SPARC: variants seen among roughly 807,000 people sequenced by gnomAD.
SPARC encodes basement-membrane protein 40.
Under a neutral mutation model 37.7 loss-of-function variants are expected in SPARC, and 23 were observed. The observed-to-expected ratio is 0.61, with a 90% CI of 0.44 to 0.87. SPARC has a LOEUF of 0.87. Ranked by LOEUF, SPARC falls within the 40% of genes least tolerant of loss-of-function variation. The probability of loss-of-function intolerance (pLI) is 0.00; values close to 1 mark genes in which losing one functional copy is unlikely to be tolerated. For missense variants in SPARC, 312 were observed against 389.0 expected (o/e 0.80, Z 1.66); for synonymous variants, 155 against 150.8 (o/e 1.03, Z -0.20).
Position 151,667,563 on chromosome 5 carries a change from G to A in SPARC, c.489C>T (p.Phe163=), listed in dbSNP as rs139340542. The A allele has an allele frequency of 2.5e-6, 4 of 1,614,064 alleles. No homozygotes were observed. The highest frequency in any genetic ancestry group is 3.4e-6 in the Non-Finnish European group (4 of 1,180,034). ...PPCLDSELTE[F]PLRMRDWLKN... The stretch of plus-strand genomic sequence containing the variant: ...TGAGCCAGTCCCGCATGCGCAGGGG[G>A]AATTCGGTCAGCTCAGAGTCCAGGC... The change falls in exon 7 of 10, where the codon TTC becomes TTT. Residue 163 remains phenylalanine, a synonymous_variant. Transcript: ENST00000231061.
chr5:151,663,542 G>A lies in SPARC; in HGVS notation c.*29C>T, dbSNP rs1053411. ...GAAACACGAAGGGGAGGGTTAAAGA[G>A]AGAATCCGGTACTGTGGAAGGAGTG... On this transcript the variant is annotated 3_prime_UTR_variant, in exon 10 of 10. Coordinates refer to ENST00000231061, the MANE Select transcript of SPARC (RefSeq NM_003118.4). The A allele has an allele frequency of 6.2e-7, 1 of 1,605,112 alleles. No individual in the cohort carries two copies. Among genetic ancestry groups the A allele is most frequent in the Non-Finnish European group, 8.5e-7 (1 of 1,172,282 alleles).
intron 5 of SPARC, among the ~76,000 whole-genome samples, chr5:151,670,705 G>C (rs920637330): frequency 6.6e-6 from 1 of 152,214 alleles, no homozygotes; most frequent in Non-Finnish European, 1.5e-5. Context: ...GCTGTGTTAG[G>C]AGGAGGGGAG....
chr5:151,663,533 G>C lies in SPARC; in HGVS notation c.*38C>G. ...ACATTGGGGGAAACACGAAGGGGAG[G>C]GTTAAAGAGAGAATCCGGTACTGTG... is the stretch of plus-strand genomic sequence containing the variant. On this transcript the variant is annotated 3_prime_UTR_variant, in exon 10 of 10. Transcript: ENST00000231061. 6.3e-7 allele frequency: 1 copy of C among 1,596,458 alleles called. No individual in the cohort carries two copies. The highest frequency in any genetic ancestry group is 8.6e-7 in the Non-Finnish European group (1 of 1,164,368).
At position 151,661,238 on chromosome 5, in the gene SPARC, A is replaced by C. The variant is rs1760493585; in HGVS notation, c.*2333T>G. On this transcript the variant is annotated 3_prime_UTR_variant, in exon 10 of 10. Transcript: ENST00000231061. ...ATCACGCACGCTGCCTACTCATAAGATCCCCTAACACATTGCAGGTACCTG... is the reference window on the plus strand; with the variant it reads ...ATCACGCACGCTGCCTACTCATAAGCTCCCCTAACACATTGCAGGTACCTG... 1 of 152,186 alleles carries C rather than the reference A, an allele frequency of 6.6e-6. No individual in the cohort carries two copies. Among genetic ancestry groups the C allele is most frequent in the Non-Finnish European group, 1.5e-5 (1 of 68,026 alleles). 9.4% of individuals were successfully genotyped at this position (152,186 alleles called of 1,614,324 possible). A position where few individuals can be genotyped will look rare whatever the true frequency, so the allele number is the denominator to read the frequency against.
At chr5:151,666,749 G>A (rs1448257123) in intron 7 of SPARC, among the ~76,000 whole-genome samples, 3 of 152,206 alleles carry the variant, frequency 2.0e-5, no homozygotes, top group Admixed American at 1.3e-4. Context: ...GGCGAAGGCC[G>A]GGCACACACT....
chr5:151,667,237 C>T lies in SPARC; in HGVS notation c.585+230G>A, dbSNP rs547127684. Among the ~76,000 whole-genome samples the T allele has an allele frequency of 3.9e-5, 6 of 152,234 alleles. No homozygotes were observed. In the East Asian group the frequency reaches 9.6e-4, roughly 24 times the overall value. Reference sequence around the variant, plus strand: ...GGCTGTTTGTGTCTCTTTTGTTTAACGTTAGGTTAAGCAAAGGGAGCAGGT... The same window carrying T: ...GGCTGTTTGTGTCTCTTTTGTTTAATGTTAGGTTAAGCAAAGGGAGCAGGT... On this transcript the variant is annotated intron_variant, in intron 7 of 9. Transcript: ENST00000231061.
intron 1 of SPARC, among the ~76,000 whole-genome samples, chr5:151,683,932 C>A (rs1452845146): frequency 6.6e-6 from 1 of 152,182 alleles, no homozygotes; most frequent in Non-Finnish European, 1.5e-5. Context: ...TGGGTTTGTA[C>A]CTGTCCCTGT....
intron 3 of SPARC, among the ~76,000 whole-genome samples, chr5:151,674,339 T>C (rs1760811810): frequency 6.6e-6 from 1 of 152,094 alleles, no homozygotes; most frequent in Non-Finnish European, 1.5e-5. Context: ...TTGCAAAAAC[T>C]GTGGGTAATC....
intron 1 of SPARC, chr5:151,679,478 C>T (rs1213768953): frequency 6.6e-6 from 1 of 152,306 alleles, no homozygotes; most frequent in African/African-American, 2.4e-5. Flanking sequence ...CTCAGTTGGG[C>T]CTTGAACTGG....
At chr5:151,676,886 A>C (rs1024528132) in intron 1 of SPARC, 1 of 152,200 alleles carries the variant, frequency 6.6e-6, no homozygotes, top group African/African-American at 2.4e-5. Context: ...AAAGAACAAT[A>C]GTCTTGGAAT....
At position 151,673,164 on chromosome 5, in the gene SPARC, C is replaced by A; in HGVS notation, c.173G>T (p.Gly58Val). Residue 58 changes from glycine (G) to valine (V), a missense_variant, in exon 4 of 10, where the codon GGT (glycine) becomes GTT (valine). By Grantham distance (109) the Gly-to-Val change is moderately radical. Transcript: ENST00000231061. The stretch of plus-strand genomic sequence containing the variant: ...CACCTCCTCTTCGGTTTCCTCTGCA[C>A]CATCATCAAATTCTCCTACTTCCAC... Reference protein sequence around the residue: ...VQVEVGEFDDGAEETEEEVVA... With the variant: ...VQVEVGEFDDVAEETEEEVVA... The A allele has an allele frequency of 1.9e-6, 3 of 1,613,982 alleles. No homozygotes were observed. Among genetic ancestry groups the A allele is most frequent in the Non-Finnish European group, 2.5e-6 (3 of 1,179,834 alleles).
At chr5:151,679,441 C>T (rs1052663259) in intron 1 of SPARC, 7 of 152,398 alleles carry the variant, frequency 4.6e-5, no homozygotes, top group South Asian at 4.1e-4. Flanking sequence ...GGCAGCTACC[C>T]GCTCCCAGGT....
intron 8 of SPARC, among the ~76,000 whole-genome samples, chr5:151,665,681 G>T (rs1051844693): frequency 6.6e-6 from 1 of 152,218 alleles, no homozygotes; most frequent in Non-Finnish European, 1.5e-5. Context: ...GTAGTGACAG[G>T]TTATGAACAG....
At chr5:151,685,479 C>T (rs58763507) in intron 1 of SPARC, among the ~76,000 whole-genome samples, 74 of 148,806 alleles carry the variant, frequency 5.0e-4, no homozygotes, top group African/African-American at 1.6e-3. Context: ...TTTTTAGGGG[C>T]TTAGAGATGG....
At chr5:151,686,456 G>C (rs1761142929) in intron 1 of SPARC, 1 of 152,184 alleles carries the variant, frequency 6.6e-6, no homozygotes, top group Admixed American at 6.5e-5. Context: ...GACAGACTCC[G>C]GTTGCTGGCC....
In SPARC at chr5:151,661,743, G is replaced by C. The variant is rs1760510086; in HGVS notation, c.*1828C>G. 6.6e-6 allele frequency: 1 copy of C among 152,206 alleles called. No homozygotes were observed. Among genetic ancestry groups the C allele is most frequent in the Non-Finnish European group, 1.5e-5 (1 of 68,038 alleles). 9.4% of individuals were successfully genotyped at this position (152,206 alleles called of 1,614,324 possible). A position where few individuals can be genotyped will look rare whatever the true frequency, so the allele number is the denominator to read the frequency against. ...GATTCTACTTCTGACCTATTCAATAGGGTAACCACTAATCATGCATGGCTC... is the reference window on the plus strand; with the variant it reads ...GATTCTACTTCTGACCTATTCAATACGGTAACCACTAATCATGCATGGCTC... On this transcript the variant is annotated 3_prime_UTR_variant, in exon 10 of 10. Transcript: ENST00000231061.
intron 9 of SPARC, among the ~76,000 whole-genome samples, chr5:151,663,861 A>G (rs554438311): frequency 3.3e-5 from 5 of 152,288 alleles, no homozygotes; most frequent in Admixed American, 3.3e-4. Context: ...AGCACGGGTG[A>G]GTGCTAACGC....
intron 5 of SPARC, 118 bp downstream of exon 5, chr5:151,671,455 G>T: frequency 8.1e-7 from 1 of 1,241,350 alleles, no homozygotes; most frequent in South Asian, 1.5e-5. Flanking sequence ...GTCTAGCAAG[G>T]GGACTTCTGA....
At chr5:151,668,815 G>T (rs1010322891) in intron 6 of SPARC, among the ~76,000 whole-genome samples, 1 of 152,012 alleles carries the variant, frequency 6.6e-6, no homozygotes, top group Non-Finnish European at 1.5e-5. Flanking sequence ...TTTCTACTCT[G>T]TACCTTCTCA....
Sources: allele counts gnomAD v4.1 joint callset (sites outside exome capture counted in the v4.1 genomes callset), GRCh38; gene constraint gnomAD v4.1.1; transcripts MANE v1.5; gene names NCBI Gene and HGNC (gene_info 2026-07-23, HGNC 2026-07-21).